BACH2: variants seen among roughly 807,000 people sequenced by gnomAD.
The protein encoded by BACH2 is transcription regulator protein BACH2.
A neutral mutation model predicts 61.8 loss-of-function variants in BACH2; 5 were observed. The observed-to-expected ratio is 0.08, with a 90% CI of 0.04 to 0.17. BACH2 has a LOEUF of 0.17. Ranked by LOEUF, BACH2 falls within the 10% of genes least tolerant of loss-of-function variation. The probability of loss-of-function intolerance (pLI) is 1.00; values close to 1 mark genes in which losing one functional copy is unlikely to be tolerated. For synonymous variants in BACH2, 446 were observed against 440.1 expected (o/e 1.01, Z -0.17); for missense variants, 824 against 1,091.1 (o/e 0.76, Z 3.45).
At chr6:90,259,215 A>G (rs2127874434) in intron 2 of BACH2, among the ~76,000 whole-genome samples, 1 of 152,308 alleles carries the variant, frequency 6.6e-6, no homozygotes, top group East Asian at 1.9e-4. Context: ...TTTTTCATAA[A>G]TGGCCTTTAT....
chr6:90,139,530 CT>C (rs1291142192), intron 4 of BACH2, among the ~76,000 whole-genome samples: 1 of 152,216 alleles, frequency 6.6e-6, no homozygotes, highest in African/African-American at 2.4e-5. Context: ...CCACGCCCCA[CT>C]TACTTTCTGA....
intron 6 of BACH2, among the ~76,000 whole-genome samples, chr6:89,972,644 G>C (rs1775431198): frequency 6.6e-6 from 1 of 152,102 alleles, no homozygotes; most frequent in African/African-American, 2.4e-5. Flanking sequence ...TGTAGCCTGG[G>C]GCTTTCTTTA....
intron 6 of BACH2, among the ~76,000 whole-genome samples, chr6:89,987,320 T>C (rs1281310211): frequency 1.3e-5 from 2 of 152,124 alleles, no homozygotes; most frequent in Non-Finnish European, 2.9e-5. Context: ...GAAAGATGTG[T>C]GATGCAGAAA....
chr6:90,007,460 C>T (rs1777470882), intron 6 of BACH2, among the ~76,000 whole-genome samples: 1 of 152,140 alleles, frequency 6.6e-6, no homozygotes, highest in Non-Finnish European at 1.5e-5. Context: ...CTCTACTGCA[C>T]CTGGCTTCTT....
At chr6:89,994,665 T>C (rs1776752237) in intron 6 of BACH2, among the ~76,000 whole-genome samples, 1 of 152,156 alleles carries the variant, frequency 6.6e-6, no homozygotes. Flanking sequence ...TGCAGAACCT[T>C]TGAAATCACA....
chr6:89,936,935 C>G (rs1477106371), intron 8 of BACH2, among the ~76,000 whole-genome samples: 1 of 151,926 alleles, frequency 6.6e-6, no homozygotes, highest in African/African-American at 2.4e-5. Flanking sequence ...AGACATGGCA[C>G]CTGAGATGAG....
intron 1 of BACH2, among the ~76,000 whole-genome samples, chr6:90,295,950 A>G (rs543575858): frequency 2.6e-5 from 4 of 152,136 alleles, no homozygotes; most frequent in South Asian, 2.1e-4. Context: ...GCCGCGGCCA[A>G]GGTCCTCGCG....
intron 7 of BACH2, among the ~76,000 whole-genome samples, chr6:89,939,550 A>G (rs1043680781): frequency 2.6e-5 from 4 of 152,178 alleles, no homozygotes; most frequent in African/African-American, 7.2e-5. Flanking sequence ...ACAAATTCCA[A>G]TTCTTGACAA....
chr6:90,261,195 T>C (rs150505678), intron 2 of BACH2, among the ~76,000 whole-genome samples: 2 of 152,310 alleles, frequency 1.3e-5, no homozygotes, highest in African/African-American at 4.8e-5. Context: ...TTCCCATCTA[T>C]TAAAAACTGA....
intron 5 of BACH2, among the ~76,000 whole-genome samples, chr6:90,030,108 C>A (rs9362711): frequency 6.6e-6 from 1 of 152,046 alleles, no homozygotes; most frequent in South Asian, 2.1e-4. Flanking sequence ...TTAGGCTGTT[C>A]TCTCCTGGTA....
Position 90,035,105 on chromosome 6 carries a change from T to C in BACH2, c.-12-26249A>G, listed in dbSNP as rs541085767. Reference sequence around the variant, plus strand: ...TAAACACCAAGTCAAGGGACACACATAATGTAAATCTCTGTCTCTGGCAAC... The same window carrying C: ...TAAACACCAAGTCAAGGGACACACACAATGTAAATCTCTGTCTCTGGCAAC... On this transcript the variant is annotated intron_variant, in intron 5 of 8. Transcript: ENST00000257749. Among the ~76,000 whole-genome samples the C allele has an allele frequency of 1.1e-4, 17 of 152,254 alleles. No individual in the cohort carries two copies. In the South Asian group the frequency reaches 3.3e-3, roughly 30 times the overall value.
At chr6:89,937,079 G>C (rs549640314) in intron 8 of BACH2, among the ~76,000 whole-genome samples, 14 of 151,982 alleles carry the variant, frequency 9.2e-5, no homozygotes, top group Non-Finnish European at 8.8e-5. Context: ...GAGAAGGGGC[G>C]GGGGCACATA....
chr6:90,263,052 T>TA (rs1302379747), intron 2 of BACH2, among the ~76,000 whole-genome samples: 1 of 152,038 alleles, frequency 6.6e-6, no homozygotes, highest in Admixed American at 6.5e-5. Flanking sequence ...GAATTTAAAA[T>TA]AAAAAATCTC....
chr6:89,937,521 A>G (rs549413007), intron 8 of BACH2, among the ~76,000 whole-genome samples: 1 of 152,268 alleles, frequency 6.6e-6, no homozygotes, highest in East Asian at 1.9e-4. Flanking sequence ...CTCATAATCA[A>G]CATCAGTTAT....
intron 6 of BACH2, among the ~76,000 whole-genome samples, chr6:89,976,126 C>T (rs1391561880): frequency 6.6e-6 from 1 of 152,180 alleles, no homozygotes; most frequent in African/African-American, 2.4e-5. Flanking sequence ...AGCAAGATCG[C>T]CCGCTGTTCT....
At chr6:90,064,876 T>C (rs997202346) in intron 5 of BACH2, among the ~76,000 whole-genome samples, 3 of 152,192 alleles carry the variant, frequency 2.0e-5, no homozygotes, top group African/African-American at 7.2e-5. Context: ...CTATTTAATA[T>C]ACTCCCTTCC....
chr6:90,178,153 G>A (rs1053265081), intron 4 of BACH2, among the ~76,000 whole-genome samples: 7 of 152,104 alleles, frequency 4.6e-5, no homozygotes, highest in Non-Finnish European at 7.3e-5. Flanking sequence ...CCGAACCTCC[G>A]CCCTCCTTCC....
At chr6:89,939,556 G>A (rs1773270590) in intron 7 of BACH2, among the ~76,000 whole-genome samples, 2 of 151,794 alleles carry the variant, frequency 1.3e-5, no homozygotes, top group Admixed American at 1.3e-4. Context: ...TCCAATTCTT[G>A]ACAAATCAAG....
chr6:90,229,395 G>A lies in BACH2; in HGVS notation c.-274-22714C>T, dbSNP rs538062084. 5.9e-5 allele frequency among the ~76,000 whole-genome samples: 9 copies of A among 152,126 alleles called. No homozygotes were observed. The South Asian group carries it at 1.7e-3, about 28-fold the overall frequency. On this transcript the variant is annotated intron_variant, in intron 3 of 8. Transcript: ENST00000257749. ...GAATTGCTTGAACTTGGGAGGCGGAGGTTGCGGCGAGCAGAGATCATGCCA... is the reference window on the plus strand; with the variant it reads ...GAATTGCTTGAACTTGGGAGGCGGAAGTTGCGGCGAGCAGAGATCATGCCA...
Sources: allele counts gnomAD v4.1 joint callset (sites outside exome capture counted in the v4.1 genomes callset), GRCh38; gene constraint gnomAD v4.1.1; transcripts MANE v1.5; gene names NCBI Gene and HGNC (gene_info 2026-07-23, HGNC 2026-07-21).